Variants in ACAP3 observed in about 807,000 individuals in gnomAD.
ACAP3 encodes the protein arf-GAP with coiled-coil, ANK repeat and PH domain-containing protein 3.
ACAP3 carries 56 observed loss-of-function variants against 104.1 expected under a neutral mutation model. The ratio of observed to expected loss-of-function variants is 0.54; its 90% CI spans 0.43 to 0.67. The LOEUF is 0.67. Among genes scored for constraint, ACAP3 ranks in the 30% least tolerant of loss-of-function variants. ACAP3 has a pLI of 0.00. For missense variants in ACAP3, 1,208 were observed against 1,174.9 expected (o/e 1.03, Z -0.41); for synonymous variants, 628 against 496.2 (o/e 1.27, Z -3.53).
rs767252350 is a variant in ACAP3, at chr1:1,293,838, G to T, written c.2345C>A (p.Ala782Asp). The T allele has an allele frequency of 6.4e-7, 1 of 1,553,358 alleles. No homozygotes were observed. Among genetic ancestry groups the T allele is most frequent in the Non-Finnish European group, 8.7e-7 (1 of 1,152,840 alleles). Residue 782 changes from alanine to aspartate, a missense_variant, in exon 23 of 24, where the codon GCT (alanine) becomes GAT (aspartate). Transcript: ENST00000354700. ...CCGCGCTCACAGTGTCACGATGTCA[G>T]CGTTGGCCGCCTGCACTGCGATGGC... ...PLAIAVQAAN[A>D]DIVTLLRLAR...
chr1:1,304,371 CG>C, intron 1 of ACAP3: 1 of 605,476 alleles, frequency 1.7e-6, no homozygotes, highest in South Asian at 2.0e-5. Flanking sequence ...GCTGTGCCCT[CG>C]GGGAAGAAGG....
intron 1 of ACAP3, chr1:1,307,527 G>A: frequency 9.4e-7 from 1 of 1,061,026 alleles, no homozygotes; most frequent in South Asian, 1.5e-5. Flanking sequence ...GTCCCGAGGT[G>A]CCCACGGCTG....
At position 1,294,173 on chromosome 1, in the gene ACAP3, C is replaced by T; in HGVS notation, c.2166G>A (p.Leu722=). 1 of 1,594,982 alleles carries T rather than the reference C, an allele frequency of 6.3e-7. No individual in the cohort carries two copies. The highest frequency in any genetic ancestry group is 1.7e-5 in the Admixed American group (1 of 57,756). The change falls in exon 22 of 24, where the codon CTG becomes CTA. Residue 722 remains leucine (L), a synonymous_variant. Coordinates refer to ENST00000354700, the MANE Select transcript of ACAP3 (RefSeq NM_030649.3). ...GGTTCACGTCCGCTCCGTTTTGCAGCAGGAACTCACAGACGATCAAGGAGC... is the reference window on the plus strand; with the variant it reads ...GGTTCACGTCCGCTCCGTTTTGCAGTAGGAACTCACAGACGATCAAGGAGC... ...LGGSLIVCEF[L]LQNGADVNQR...
chr1:1,295,435 C>T lies in ACAP3; in HGVS notation c.1813+12G>A. The stretch of plus-strand genomic sequence containing the variant: ...CTGCCCTGCCACCTGGCTGGGCCCA[C>T]CCCACACTTACTGCGAGGGCCAGCC... On this transcript the variant is annotated intron_variant, in intron 19 of 23. Coordinates refer to ENST00000354700, the MANE Select transcript of ACAP3 (RefSeq NM_030649.3). 6.2e-7 allele frequency: 1 copy of T among 1,611,582 alleles called. No homozygotes were observed. Among genetic ancestry groups the T allele is most frequent in the Non-Finnish European group, 8.5e-7 (1 of 1,179,190 alleles).
intron 5 of ACAP3, 110 bp downstream of exon 5, chr1:1,301,878 A>G (rs1641461067): frequency 1.9e-6 from 2 of 1,074,224 alleles, no homozygotes; most frequent in Non-Finnish European, 1.3e-6. Context: ...GCCGCTGCAC[A>G]GCCTGGAGGC....
chr1:1,304,197 G>A lies in ACAP3; in HGVS notation c.48-54C>T. ...CACCTGCAGCCTCAGCCCCCTCGGG[G>A]CTTCACCTCCCCCCGCACCTCCCTG... On this transcript the variant is annotated intron_variant, in intron 1 of 23. Coordinates refer to ENST00000354700, the MANE Select transcript of ACAP3 (RefSeq NM_030649.3). 15 of 1,546,548 alleles carry A rather than the reference G, an allele frequency of 9.7e-6. No homozygotes were observed. In the South Asian group the frequency reaches 1.8e-4, roughly 18 times the overall value.
chr1:1,303,039 C>T lies in ACAP3; in HGVS notation c.226-64G>A. The stretch of plus-strand genomic sequence containing the variant: ...TCCGGGCCCAGGTCACCCAGCCACG[C>T]CCTCTGAGCCCCTGGGCGGTGCAGA... On this transcript the variant is annotated intron_variant, in intron 3 of 23. Coordinates refer to ENST00000354700, the MANE Select transcript of ACAP3 (RefSeq NM_030649.3). The surrounding 1 kb of genome is among the most constrained non-coding windows in gnomAD (Gnocchi z 4.0). 1 of 1,564,970 alleles carries T rather than the reference C, an allele frequency of 6.4e-7. No individual in the cohort carries two copies. Among genetic ancestry groups the T allele is most frequent in the South Asian group, 1.2e-5 (1 of 85,180 alleles).
chr1:1,299,290 C>T (rs1641340672), intron 10 of ACAP3, 55 bp downstream of exon 10: 11 of 1,575,744 alleles, frequency 7.0e-6, no homozygotes, highest in Admixed American at 1.8e-5. Context: ...GGAAAGGCAC[C>T]GCCCCATCTG....
chr1:1,304,208 C>A, intron 1 of ACAP3, 65 bp from the exon 2 acceptor site: 1 of 1,537,020 alleles, frequency 6.5e-7, no homozygotes, highest in South Asian at 1.2e-5. Flanking sequence ...CTTCACCTCC[C>A]CCCGCACCTC....
At chr1:1,299,285 G>T in intron 10 of ACAP3, 60 bp downstream of exon 10, 1 of 1,570,264 alleles carries the variant, frequency 6.4e-7, no homozygotes, top group African/African-American at 1.4e-5. Flanking sequence ...AGGAGGGAAA[G>T]GCACCGCCCC....
chr1:1,299,318 GCCCGCC>G, intron 10 of ACAP3, 21 bp downstream of exon 10: 1 of 1,595,526 alleles, frequency 6.3e-7, no homozygotes, highest in South Asian at 1.1e-5. Flanking sequence ...CCGACCCACA[GCCCGCC>G]CAGGGCCCGT....
At position 1,302,125 on chromosome 1, in the gene ACAP3, G is replaced by A. The variant is rs182304028; in HGVS notation, c.280-79C>T. On this transcript the variant is annotated intron_variant, in intron 4 of 23. Coordinates refer to ENST00000354700, the MANE Select transcript of ACAP3 (RefSeq NM_030649.3). ...ATGGAAGGCCCCATCCTCACCAGCA[G>A]AGGGCACTGCCCCCAGGCCCAGATG... The A allele has an allele frequency of 1.7e-5, 22 of 1,268,220 alleles. No homozygotes were observed. The Admixed American group carries it at 4.0e-4, about 23-fold the overall frequency. 78.6% of individuals were successfully genotyped at this position (1,268,220 alleles called of 1,614,324 possible).
chr1:1,294,269 C>T (rs1037444208), intron 21 of ACAP3, 70 bp from the exon 22 acceptor site: 245 of 1,516,100 alleles, frequency 1.6e-4, no homozygotes, highest in Non-Finnish European at 2.1e-4. Flanking sequence ...ACCCTGACCC[C>T]GGCCTTGGGC....
intron 12 of ACAP3, 61 bp downstream of exon 12, chr1:1,298,309 G>A: frequency 6.2e-7 from 1 of 1,602,138 alleles, no homozygotes; most frequent in Non-Finnish European, 8.5e-7. Flanking sequence ...TGACCAGTCT[G>A]CCCTGTGGCC....
chr1:1,300,088 G>A lies in ACAP3; in HGVS notation c.568-20C>T. On this transcript the variant is annotated intron_variant, in intron 7 of 23. Transcript: ENST00000354700. ...CAGCATCTGCGGGGGCAGCACAGGT[G>A]AGGCCCAAGCACACCCGGTCCAGCC... is the stretch of plus-strand genomic sequence containing the variant. The A allele has an allele frequency of 3.1e-6, 5 of 1,611,172 alleles. No individual in the cohort carries two copies. The highest frequency in any genetic ancestry group is 2.2e-5 in the East Asian group (1 of 44,832).
intron 5 of ACAP3, chr1:1,301,561 AC>A (rs1204041467): frequency 5.1e-5 from 6 of 116,706 alleles, no homozygotes; most frequent in Non-Finnish European, 1.0e-4. Context: ...GCCCAGCCCC[AC>A]CCCCCTCCAC....
At chr1:1,306,807 G>A (rs995416519) in intron 1 of ACAP3, among the ~76,000 whole-genome samples, 2 of 152,264 alleles carry the variant, frequency 1.3e-5, no homozygotes, top group African/African-American at 4.8e-5. Flanking sequence ...CCTAGTGATG[G>A]AACACGCGTG....
rs370017757 is a variant in ACAP3 at position 1,302,937 on chromosome 1, C to T, written c.264G>A (p.Val88=). The change falls in exon 4 of 24, where the codon GTG becomes GTA. Residue 88 remains valine (V), a synonymous_variant. Coordinates refer to ENST00000354700, the MANE Select transcript of ACAP3 (RefSeq NM_030649.3). ...LQRFADSLQE[V]VNYHMILFDQ... The stretch of plus-strand genomic sequence containing the variant: ...CCGCGCTCACCATGTGGTAGTTCAC[C>T]ACCTCCTGTAGGCTGTCAGCGAACC... 52 of 1,611,606 alleles carry T rather than the reference C, an allele frequency of 3.2e-5. No homozygotes were observed. In the African/African-American group the frequency reaches 6.7e-4, roughly 21 times the overall value.
intron 1 of ACAP3, chr1:1,307,322 T>C (rs1419525647): frequency 3.0e-5 from 39 of 1,289,144 alleles, no homozygotes; most frequent in Non-Finnish European, 3.6e-5. Context: ...CACTTCACGT[T>C]TCCAAGCACC....
Sources: gnomAD v4.1 joint callset for allele counts (sites outside exome capture counted in the v4.1 genomes callset) on GRCh38, gnomAD v4.1.1 for gene constraint, Gnocchi (gnomAD v3.1) non-coding constraint, MANE v1.5 for transcripts, NCBI Gene and HGNC (gene_info 2026-07-23, HGNC 2026-07-21) for gene names.